Variants in YTHDC2 observed in about 807,000 individuals in gnomAD.
YTHDC2 encodes YTH N6-methyladenosine RNA binding protein C2, also known as 3'-5' RNA helicase YTHDC2.
A neutral mutation model predicts 174.9 loss-of-function variants in YTHDC2; 45 were observed. The observed-to-expected ratio is 0.26, with a 90% CI of 0.20 to 0.33. The LOEUF is 0.33. Among genes scored for constraint, YTHDC2 ranks in the 10% least tolerant of loss-of-function variants. The pLI is 1.00. For synonymous variants in YTHDC2, 657 were observed against 574.5 expected, an observed-to-expected ratio of 1.14 and a Z score of -2.05; for missense variants, 1,650 against 1,723.7, an observed-to-expected ratio of 0.96 and a Z score of 0.76.
chr5:113,535,242 C>T (rs910195922), intron 6 of YTHDC2, among the ~76,000 whole-genome samples: 1 of 151,982 alleles, frequency 6.6e-6, no homozygotes, highest in African/African-American at 2.4e-5. Flanking sequence ...CTAAAGAATA[C>T]AGTGTAACTA....
At chr5:113,545,802 G>A (rs1214697442) in intron 10 of YTHDC2, among the ~76,000 whole-genome samples, 2 of 47,338 alleles carry the variant, frequency 4.2e-5, no homozygotes, top group African/African-American at 3.4e-4. Context: ...GTGCAGTGGC[G>A]GGATCTCGGC....
chr5:113,521,682 G>C (rs1257191645), intron 2 of YTHDC2, among the ~76,000 whole-genome samples: 1 of 150,456 alleles, frequency 6.6e-6, no homozygotes, highest in Admixed American at 6.6e-5. Flanking sequence ...AGTGAGCCGA[G>C]ATCGTGCCAC....
chr5:113,544,468 T>C (rs1775714370), intron 10 of YTHDC2, among the ~76,000 whole-genome samples: 8 of 152,180 alleles, frequency 5.3e-5, no homozygotes, highest in Admixed American at 5.2e-4. Context: ...ATATTACTTT[T>C]AAGCATCTTT....
At chr5:113,518,305 A>G (rs879259408) in intron 2 of YTHDC2, among the ~76,000 whole-genome samples, 3 of 151,410 alleles carry the variant, frequency 2.0e-5, no homozygotes, top group Admixed American at 6.6e-5. Flanking sequence ...GGCCCAATCA[A>G]TCCTCTCACC....
intron 4 of YTHDC2, among the ~76,000 whole-genome samples, chr5:113,531,440 C>T (rs886312698): frequency 3.3e-5 from 5 of 151,940 alleles, no homozygotes; most frequent in South Asian, 2.1e-4. Context: ...TTGACATTGC[C>T]TACCTCCTGA....
At position 113,590,490 on chromosome 5, in the gene YTHDC2, T is replaced by C. The variant is rs527703174; in HGVS notation, c.3826-551T>C. ...TCCCTAGCCTTGGGTTATTTATCTT[T>C]TTTCTCACTCATGTTCAGGTCAGCA... On this transcript the variant is annotated intron_variant, in intron 26 of 29. Transcript: ENST00000161863. 7.2e-4 allele frequency among the ~76,000 whole-genome samples: 110 copies of C among 152,312 alleles called. 4 individuals carry two copies. The highest frequency in any genetic ancestry group is 2.5e-3 in the African/African-American group (104 of 41,574).
intron 22 of YTHDC2, 107 bp downstream of exon 22, chr5:113,567,404 TTATA>T (rs368320106): frequency 0.034 from 9,735 of 285,686 alleles, 180 homozygotes; most frequent in African/African-American, 0.089. Context: ...AATTAATTAG[TTATA>T]TATATATATA....
At position 113,548,035 on chromosome 5, in the gene YTHDC2, GT is replaced by G. The variant is rs1012069110; in HGVS notation, c.1496-505del. 6.4e-4 allele frequency among the ~76,000 whole-genome samples: 98 copies of G among 152,256 alleles called. 2 individuals carry two copies. Among genetic ancestry groups the G allele is most frequent in the Admixed American group, 5.3e-3 (81 of 15,290 alleles). On this transcript the variant is annotated intron_variant, in intron 10 of 29. Coordinates refer to ENST00000161863, the MANE Select transcript of YTHDC2 (RefSeq NM_022828.5). ...TTTCTGTCAGTGTTAATCCCATTAAGTGTCTTATCAAATAGCCTTGAATGGG... is the reference window on the plus strand; with the variant it reads ...TTTCTGTCAGTGTTAATCCCATTAAGGTCTTATCAAATAGCCTTGAATGGG...
At position 113,524,418 on chromosome 5, in the gene YTHDC2, C is replaced by G. The variant is rs538618828; in HGVS notation, c.279-563C>G. On this transcript the variant is annotated intron_variant, in intron 2 of 29. Transcript: ENST00000161863. ...TATAATTGAAGAGTAGAACCAGAAG[C>G]TTTGAAAAATATTTTATTAAAAATG... is the stretch of plus-strand genomic sequence containing the variant. Among the ~76,000 whole-genome samples, 16 of 152,160 alleles carry G rather than the reference C, an allele frequency of 1.1e-4. No individual in the cohort carries two copies. The East Asian group carries it at 2.9e-3, about 27-fold the overall frequency.
chr5:113,517,983 G>A (rs549635932), intron 2 of YTHDC2, among the ~76,000 whole-genome samples: 8 of 150,300 alleles, frequency 5.3e-5, no homozygotes, highest in African/African-American at 2.0e-4. Context: ...CCACCTCCCG[G>A]GTTCACGCCA....
intron 12 of YTHDC2, 74 bp downstream of exon 12, chr5:113,549,094 A>G: frequency 2.3e-6 from 3 of 1,287,352 alleles, no homozygotes; most frequent in South Asian, 1.3e-5. Flanking sequence ...ATTATGGGCT[A>G]TTCAAATGTA....
chr5:113,530,987 C>G (rs1046792204), intron 4 of YTHDC2, among the ~76,000 whole-genome samples: 4 of 152,016 alleles, frequency 2.6e-5, no homozygotes, highest in Non-Finnish European at 5.9e-5. Flanking sequence ...TTCTTCCCGC[C>G]CCCCAACTCC....
intron 20 of YTHDC2, among the ~76,000 whole-genome samples, chr5:113,564,765 G>T (rs1777221538): frequency 6.6e-6 from 1 of 152,094 alleles, no homozygotes. Context: ...GAAAACATAG[G>T]CATTGTATTT....
At chr5:113,524,775 A>G (rs745427401) in intron 2 of YTHDC2, among the ~76,000 whole-genome samples, 2 of 152,110 alleles carry the variant, frequency 1.3e-5, no homozygotes, top group East Asian at 3.9e-4. Context: ...GATTTACAGC[A>G]CTTGAAATTT....
chr5:113,553,829 A>T lies in YTHDC2; in HGVS notation c.2027A>T (p.Asn676Ile), dbSNP rs747049479. 3 of 1,611,960 alleles carry T rather than the reference A, an allele frequency of 1.9e-6. No individual in the cohort carries two copies. The Admixed American group carries it at 5.0e-5, about 27-fold the overall frequency. ...TCCGATCAAAAGAAAGTATTAAAAA[A>T]CCCACCTGCAGGTGTTCGAAAAATA... The part of the protein sequence containing the change: ...QTSDQKKVLK[N>I]PPAGVRKIIL... The change falls in exon 15 of 30, where the codon AAC becomes ATC. Residue 676 changes from asparagine (N) to isoleucine (I), a missense_variant. Around this residue, in one of 5 missense-constraint regions of YTHDC2, gnomAD observed 913 missense variants for 940.4 expected, o/e 0.97. Transcript: ENST00000161863.
Position 113,591,197 on chromosome 5 carries a change from A to G in YTHDC2, c.3982A>G (p.Ser1328Gly), listed in dbSNP as rs566828710. The G allele has an allele frequency of 6.2e-6, 10 of 1,613,976 alleles. No individual in the cohort carries two copies. The South Asian group carries it at 1.1e-4, about 18-fold the overall frequency. ...GCTAAATCGAGCCTTTTGGGAAAGC[A>G]GCATAGTTTACTTGGTATTTTCTGT... The part of the protein sequence containing the change: ...RKLNRAFWES[S>G]IVYLVFSVQG... The change falls in exon 27 of 30, where the codon AGC (serine) becomes GGC (glycine). Residue 1328 changes from serine to glycine, a missense_variant. Ser to Gly is a moderately conservative substitution (Grantham distance 56). Coordinates refer to ENST00000161863, the MANE Select transcript of YTHDC2 (RefSeq NM_022828.5).
intron 26 of YTHDC2, 29 bp downstream of exon 26, chr5:113,584,508 A>T: frequency 6.4e-7 from 1 of 1,562,052 alleles, no homozygotes; most frequent in Non-Finnish European, 8.7e-7. Context: ...AAATGTAGTA[A>T]GGAACAGATT....
rs142708889 is a variant in YTHDC2, at chr5:113,549,896, T to A, written c.1688+876T>A. ...AGATGTAGTAGATGTGCAGTGAGTG[T>A]TTGTTGAATGAATGAATAAATAAAT... On this transcript the variant is annotated intron_variant, in intron 12 of 29. Coordinates refer to ENST00000161863, the MANE Select transcript of YTHDC2 (RefSeq NM_022828.5). Among the ~76,000 whole-genome samples, 283 of 151,242 alleles carry A rather than the reference T, an allele frequency of 1.9e-3. 2 individuals carry two copies. The highest frequency in any genetic ancestry group is 6.6e-3 in the African/African-American group (270 of 41,108).
At chr5:113,532,810 G>T (rs899536556) in intron 4 of YTHDC2, 69 bp from the exon 5 acceptor site, 238 of 1,422,142 alleles carry the variant, frequency 1.7e-4, no homozygotes, top group Non-Finnish European at 2.2e-4. Flanking sequence ...TGGTTTTTCA[G>T]TTGATTCACT....
Sources: allele counts gnomAD v4.1 joint callset (sites outside exome capture counted in the v4.1 genomes callset), GRCh38; gene constraint gnomAD v4.1.1; regional missense constraint gnomAD v4.1.1; transcripts MANE v1.5; gene names NCBI Gene and HGNC (gene_info 2026-07-23, HGNC 2026-07-21).